LPAR1: variants seen among roughly 807,000 people sequenced by gnomAD.
The protein encoded by LPAR1 is LPA receptor 1.
A neutral mutation model predicts 23.8 loss-of-function variants in LPAR1; 5 were observed. That is an observed-to-expected ratio of 0.21 (90% CI 0.11 to 0.44). LPAR1 has a LOEUF of 0.44. Among genes scored for constraint, LPAR1 ranks in the 20% least tolerant of loss-of-function variants. The pLI, the probability that LPAR1 is intolerant of heterozygous loss-of-function variation, is 0.99. For missense variants in LPAR1, 311 were observed against 482.8 expected, an observed-to-expected ratio of 0.64 and a Z score of 3.33; for synonymous variants, 160 against 164.7, an observed-to-expected ratio of 0.97 and a Z score of 0.22.
chr9:111,036,865 A>G (rs941136746), intron 1 of LPAR1, among the ~76,000 whole-genome samples: 1 of 152,176 alleles, frequency 6.6e-6, no homozygotes, highest in Non-Finnish European at 1.5e-5. Context: ...ATTTGGGGCA[A>G]TTATACTCGC....
intron 5 of LPAR1, among the ~76,000 whole-genome samples, chr9:110,898,908 G>A (rs1022960635): frequency 2.6e-5 from 4 of 152,004 alleles, no homozygotes; most frequent in African/African-American, 9.7e-5. Context: ...CTGCATTCGT[G>A]CAAAGAAAAA....
chr9:110,899,522 G>T (rs1032476737), intron 5 of LPAR1, among the ~76,000 whole-genome samples: 4 of 152,150 alleles, frequency 2.6e-5, no homozygotes, highest in Non-Finnish European at 4.4e-5. Context: ...AATGGGAACC[G>T]TAAGTGCAGG....
intron 4 of LPAR1, among the ~76,000 whole-genome samples, chr9:110,950,738 T>C (rs897159843): frequency 3.3e-5 from 5 of 152,098 alleles, no homozygotes; most frequent in African/African-American, 1.2e-4. Context: ...TACAAAAGCA[T>C]ACAAGCAAAC....
At chr9:110,969,407 T>C (rs1029666512) in intron 4 of LPAR1, among the ~76,000 whole-genome samples, 1 of 152,114 alleles carries the variant, frequency 6.6e-6, no homozygotes, top group Admixed American at 6.5e-5. Context: ...GTAGACATCC[T>C]CATTTTAAAA....
chr9:110,892,833 G>GAAGGAAGA (rs1354812125), intron 5 of LPAR1, among the ~76,000 whole-genome samples: 1 of 107,330 alleles, frequency 9.3e-6, no homozygotes, highest in East Asian at 2.7e-4. Context: ...AGGAAGGCAG[G>GAAGGAAGA]CAGGCAGGCA....
chr9:110,898,695 A>T (rs2087423050), intron 5 of LPAR1, among the ~76,000 whole-genome samples: 1 of 152,226 alleles, frequency 6.6e-6, no homozygotes, highest in Non-Finnish European at 1.5e-5. Flanking sequence ...CAACTTCTCT[A>T]GGCCTCAAAT....
chr9:110,877,663 A>G (rs1374790344), intron 5 of LPAR1, among the ~76,000 whole-genome samples: 1 of 152,190 alleles, frequency 6.6e-6, no homozygotes, highest in East Asian at 1.9e-4. Flanking sequence ...GAAACTAAAA[A>G]CACACAGTCC....
At position 110,875,377 on chromosome 9, in the gene LPAR1, A is replaced by G. The variant is rs760747527; in HGVS notation, c.*44T>C. On this transcript the variant is annotated 3_prime_UTR_variant, in exon 6 of 6. Coordinates refer to ENST00000683809, the MANE Select transcript of LPAR1 (RefSeq NM_001351411.2). ...GCAATTGGGTAGGGGGAGGCTGTTT[A>G]TCCTCCAAGAGAGGACGGCTGGTTC... 3.3e-6 allele frequency: 5 copies of G among 1,535,592 alleles called. No homozygotes were observed. Among genetic ancestry groups the G allele is most frequent in the Non-Finnish European group, 4.4e-6 (5 of 1,135,674 alleles).
chr9:110,914,556 G>C (rs888060825), intron 5 of LPAR1, among the ~76,000 whole-genome samples: 7 of 152,154 alleles, frequency 4.6e-5, no homozygotes, highest in African/African-American at 1.7e-4. Context: ...AAGAGATTTG[G>C]GTGGGGACCC....
At chr9:110,891,602 A>C (rs1394918010) in intron 5 of LPAR1, among the ~76,000 whole-genome samples, 1 of 152,240 alleles carries the variant, frequency 6.6e-6, no homozygotes, top group Non-Finnish European at 1.5e-5. Flanking sequence ...AACATGAAGA[A>C]AAGATCAAAT....
At chr9:111,005,619 A>T (rs1013007972) in intron 2 of LPAR1, among the ~76,000 whole-genome samples, 1 of 150,038 alleles carries the variant, frequency 6.7e-6, no homozygotes, top group African/African-American at 2.5e-5. Flanking sequence ...ATTCCTTTGT[A>T]CATTCCCCAA....
chr9:111,012,750 T>C (rs886329962), intron 2 of LPAR1, among the ~76,000 whole-genome samples: 2 of 151,914 alleles, frequency 1.3e-5, no homozygotes, highest in African/African-American at 4.8e-5. Context: ...TCCTTTGAGG[T>C]TGGTGGTAAA....
Position 110,977,787 on chromosome 9 carries a change from A to AGAAG in LPAR1, c.-181-4233_-181-4230dup, listed in dbSNP as rs200788516. ...AAGTAAAATTTTAAAACAGAAGGAAAGAAGGAAGGAAGGAAGGAAGGAGGG... is the reference window on the plus strand; with the variant it reads ...AAGTAAAATTTTAAAACAGAAGGAAAGAAGGAAGGAAGGAAGGAAGGAAGGAGGG... On this transcript the variant is annotated intron_variant, in intron 2 of 5. Coordinates refer to ENST00000683809, the MANE Select transcript of LPAR1 (RefSeq NM_001351411.2). Among the ~76,000 whole-genome samples the AGAAG allele has an allele frequency of 2.9e-4, 37 of 128,374 alleles. 1 individual carries two copies. Among genetic ancestry groups the AGAAG allele is most frequent in the East Asian group, 9.9e-4 (4 of 4,022 alleles). The allele number at this position is 128,374 out of a possible 152,430, so 84.2% of individuals were successfully genotyped here.
intron 2 of LPAR1, among the ~76,000 whole-genome samples, chr9:111,018,609 G>C (rs1399806910): frequency 6.6e-6 from 1 of 152,114 alleles, no homozygotes; most frequent in Non-Finnish European, 1.5e-5. Context: ...CCATAAACTT[G>C]ACAATGGCTA....
At chr9:110,994,609 T>C (rs1320102293) in intron 2 of LPAR1, among the ~76,000 whole-genome samples, 2 of 152,296 alleles carry the variant, frequency 1.3e-5, no homozygotes, top group Non-Finnish European at 1.5e-5. Flanking sequence ...TTTTTTACTG[T>C]ACTTGCAACT....
At chr9:111,024,754 T>C (rs1423735940) in intron 2 of LPAR1, among the ~76,000 whole-genome samples, 1 of 151,222 alleles carries the variant, frequency 6.6e-6, no homozygotes, top group African/African-American at 2.4e-5. Flanking sequence ...CCTGTGCCCA[T>C]ATGTTCTCAT....
chr9:110,993,472 C>T (rs1031470594), intron 2 of LPAR1, among the ~76,000 whole-genome samples: 3 of 152,036 alleles, frequency 2.0e-5, no homozygotes, highest in South Asian at 2.1e-4. Context: ...GGCAGCCCAA[C>T]GCAGAGTGTC....
At chr9:110,969,427 A>G (rs2096336662) in intron 4 of LPAR1, among the ~76,000 whole-genome samples, 1 of 152,090 alleles carries the variant, frequency 6.6e-6, no homozygotes, top group Non-Finnish European at 1.5e-5. Context: ...ACTACTGAAT[A>G]GTGGTCGGGC....
At chr9:110,985,922 T>C (rs1314745854) in intron 2 of LPAR1, among the ~76,000 whole-genome samples, 1 of 151,700 alleles carries the variant, frequency 6.6e-6, no homozygotes, top group African/African-American at 2.4e-5. Flanking sequence ...TTGGAGAAAA[T>C]TGAGCTCAAG....
Sources: allele counts gnomAD v4.1 joint callset (sites outside exome capture counted in the v4.1 genomes callset), GRCh38; gene constraint gnomAD v4.1.1; transcripts MANE v1.5; gene names NCBI Gene and HGNC (gene_info 2026-07-23, HGNC 2026-07-21).